DIS3L2: variants seen among roughly 807,000 people sequenced by gnomAD.
DIS3L2 encodes the protein DIS3 like 3'-5' exoribonuclease 2, also known as DIS3-like exonuclease 2.
DIS3L2 carries 34 observed loss-of-function variants against 97.5 expected under a neutral mutation model. The ratio of observed to expected loss-of-function variants is 0.35; its 90% CI spans 0.27 to 0.46. The LOEUF is 0.46. Ranked by LOEUF, DIS3L2 falls within the 20% of genes least tolerant of loss-of-function variation. The pLI is 1.00. For synonymous variants in DIS3L2, 435 were observed against 445.2 expected (o/e 0.98, Z 0.29); for missense variants, 1,038 against 1,146.0 (o/e 0.91, Z 1.36).
chr2:232,312,425 C>G (rs1457715846), intron 14 of DIS3L2, among the ~76,000 whole-genome samples: 1 of 152,222 alleles, frequency 6.6e-6, no homozygotes, highest in South Asian at 2.1e-4. Context: ...ATGCACAGAT[C>G]TGTTTCTGCT....
At chr2:232,343,674 GA>G in exon 14 of DIS3L2, 1 of 1,306,736 alleles carries the variant, frequency 7.7e-7, no homozygotes, top group Non-Finnish European at 1.1e-6. Flanking sequence ...AGGTCCAGTA[GA>G]AAAGGAGCTG....
At chr2:232,164,445 T>C (rs1010920550) in intron 9 of DIS3L2, among the ~76,000 whole-genome samples, 1 of 152,172 alleles carries the variant, frequency 6.6e-6, no homozygotes, top group African/African-American at 2.4e-5. Flanking sequence ...AAGAAACTTT[T>C]CATACAACCC....
At chr2:232,302,595 T>A (rs1694886009) in intron 14 of DIS3L2, among the ~76,000 whole-genome samples, 1 of 151,694 alleles carries the variant, frequency 6.6e-6, no homozygotes, top group South Asian at 2.1e-4. Context: ...AGTCTTGCTT[T>A]TGTCACCCAG....
intron 9 of DIS3L2, among the ~76,000 whole-genome samples, chr2:232,180,608 GT>G: frequency 2.2e-5 from 1 of 45,154 alleles, no homozygotes; most frequent in East Asian, 1.1e-3. Flanking sequence ...TTTAAAGTCT[GT>G]TTTATCAGAG....
At chr2:231,963,602 C>G (rs1389891268) in intron 1 of DIS3L2, among the ~76,000 whole-genome samples, 1 of 152,158 alleles carries the variant, frequency 6.6e-6, no homozygotes, top group Non-Finnish European at 1.5e-5. Context: ...TTAATTAGTT[C>G]CAACTTGTCA....
chr2:232,227,761 A>T (rs1483801759), intron 10 of DIS3L2, among the ~76,000 whole-genome samples: 2 of 152,358 alleles, frequency 1.3e-5, no homozygotes, highest in African/African-American at 2.4e-5. Flanking sequence ...TTTGCCTTTC[A>T]GAATTCTAGG....
chr2:232,238,806 A>G (rs868474465), intron 11 of DIS3L2, among the ~76,000 whole-genome samples, 161 bp downstream of exon 11: 6 of 152,264 alleles, frequency 3.9e-5, no homozygotes, highest in Non-Finnish European at 7.4e-5. Flanking sequence ...CCTGCTATAT[A>G]AGTAACTGAC....
chr2:232,171,067 A>C (rs1690973292), intron 9 of DIS3L2, among the ~76,000 whole-genome samples: 1 of 152,176 alleles, frequency 6.6e-6, no homozygotes, highest in Admixed American at 6.5e-5. Context: ...GAGCGCTGGA[A>C]GTTAGTCCTA....
At chr2:232,211,207 T>C (rs528810301) in intron 10 of DIS3L2, among the ~76,000 whole-genome samples, 71 of 145,458 alleles carry the variant, frequency 4.9e-4, no homozygotes, top group African/African-American at 1.5e-3. Context: ...TGTAGTGGCA[T>C]GATCATAGCT....
chr2:232,025,848 G>A (rs1694641886), intron 4 of DIS3L2, among the ~76,000 whole-genome samples: 1 of 152,118 alleles, frequency 6.6e-6, no homozygotes, highest in African/African-American at 2.4e-5. Flanking sequence ...AAGAAAGCAT[G>A]ACTGTTTCTT....
intron 5 of DIS3L2, among the ~76,000 whole-genome samples, chr2:232,086,359 G>GTATA (rs1653634535): frequency 2.2e-5 from 3 of 138,192 alleles, no homozygotes; most frequent in African/African-American, 5.4e-5. Context: ...GTATATATAT[G>GTATA]TGTATATGTA....
intron 5 of DIS3L2, among the ~76,000 whole-genome samples, chr2:232,050,642 A>T (rs1327779632): frequency 1.3e-5 from 2 of 152,138 alleles, no homozygotes; most frequent in Non-Finnish European, 2.9e-5. Context: ...TTTTCCAGAT[A>T]GATCTTTATG....
At chr2:232,156,373 C>T (rs996032502) in intron 8 of DIS3L2, among the ~76,000 whole-genome samples, 4 of 152,014 alleles carry the variant, frequency 2.6e-5, no homozygotes, top group Non-Finnish European at 5.9e-5. Context: ...TTTTATAAAG[C>T]TTATATTTTT....
intron 5 of DIS3L2, among the ~76,000 whole-genome samples, chr2:232,070,399 T>C (rs981646049): frequency 6.6e-6 from 1 of 152,202 alleles, no homozygotes; most frequent in Non-Finnish European, 1.5e-5. Flanking sequence ...TGATATTCTG[T>C]CAAATTGCCT....
At chr2:232,278,213 C>T (rs1033732121) in intron 13 of DIS3L2, among the ~76,000 whole-genome samples, 3 of 152,008 alleles carry the variant, frequency 2.0e-5, no homozygotes, top group African/African-American at 7.2e-5. Flanking sequence ...TTTGCCATTT[C>T]TGTGAAAGGG....
chr2:232,075,026 A>G (rs1327740181), intron 5 of DIS3L2, among the ~76,000 whole-genome samples: 5 of 152,222 alleles, frequency 3.3e-5, no homozygotes, highest in South Asian at 2.1e-4. Context: ...CTAGGCCAAC[A>G]AAAGGTTCAG....
intron 4 of DIS3L2, among the ~76,000 whole-genome samples, chr2:232,028,690 G>C (rs1694725253): frequency 6.6e-6 from 1 of 152,182 alleles, no homozygotes; most frequent in Non-Finnish European, 1.5e-5. Context: ...ATTGCTGTTT[G>C]AATTGCAAAA....
intron 7 of DIS3L2, chr2:232,131,904 C>T (rs556969363): frequency 1.5e-5 from 2 of 131,024 alleles, no homozygotes; most frequent in East Asian, 4.8e-4. Context: ...TTTGTTTGAC[C>T]TGTGCAGTAT....
intron 1 of DIS3L2, among the ~76,000 whole-genome samples, chr2:231,971,105 T>C (rs1464429647): frequency 6.6e-6 from 1 of 152,178 alleles, no homozygotes; most frequent in Non-Finnish European, 1.5e-5. Context: ...TGCCTTCTTC[T>C]GGATACCTCC....
Sources: allele counts gnomAD v4.1 joint callset (sites outside exome capture counted in the v4.1 genomes callset), GRCh38; gene constraint gnomAD v4.1.1; transcripts MANE v1.5; gene names NCBI Gene and HGNC (gene_info 2026-07-23, HGNC 2026-07-21).